The following MAPK9 variants were observed in gnomAD, a reference collection of about 807,000 sequenced individuals.
The protein encoded by MAPK9 is mitogen-activated protein kinase 9.
In MAPK9, 30 loss-of-function variants were observed where a neutral mutation model predicts 57.1. That is an observed-to-expected ratio of 0.53 (90% confidence interval 0.39 to 0.71). The LOEUF is 0.71. Among genes scored for constraint, MAPK9 ranks in the 30% least tolerant of loss-of-function variants. The pLI, the probability that MAPK9 is intolerant of heterozygous loss-of-function variation, is 0.00. For missense variants in MAPK9, 362 were observed against 521.0 expected, an observed-to-expected ratio of 0.69 and a Z score of 2.97; for synonymous variants, 155 against 177.0, an observed-to-expected ratio of 0.88 and a Z score of 0.99.
chr5:180,241,265 G>A, intron 8 of MAPK9, 110 bp from the exon 9 acceptor site: 1 of 1,169,080 alleles, frequency 8.6e-7, no homozygotes, highest in Non-Finnish European at 1.2e-6. Flanking sequence ...TATTAATTTT[G>A]AGAAATGTTT....
rs569157884 is a variant in MAPK9, at chr5:180,234,377, A to G, written c.*2007T>C. On this transcript the variant is annotated 3_prime_UTR_variant, in exon 12 of 12. Coordinates refer to ENST00000452135, the MANE Select transcript of MAPK9 (RefSeq NM_002752.5). ...TGGAGCCCTGTGGCCTGTCCTAGGC[A>G]CGCTCGCCTCTACCTGGTGGAAGAT... 1 of 152,332 alleles carries G rather than the reference A, an allele frequency of 6.6e-6. No individual in the cohort carries two copies. The highest frequency in any genetic ancestry group is 1.9e-4 in the East Asian group (1 of 5,184). 9.4% of individuals were successfully genotyped at this position (152,332 alleles called of 1,614,324 possible). A position where few individuals can be genotyped will look rare whatever the true frequency, so the allele number is the denominator to read the frequency against.
rs1364914690 is a variant in MAPK9 at position 180,249,155 on chromosome 5, T to C, written c.451-17A>G. 6.3e-7 allele frequency: 1 copy of C among 1,598,378 alleles called. No homozygotes were observed. ...CTTCAAATCCTAGGAAAGAAATGGC[T>C]TAAATTAGTAAAATGAATGAAGCAT... is the stretch of plus-strand genomic sequence containing the variant. On this transcript the variant is annotated splice_polypyrimidine_tract_variant and intron_variant, in intron 5 of 11. Coordinates refer to ENST00000452135, the MANE Select transcript of MAPK9 (RefSeq NM_002752.5).
At position 180,233,186 on chromosome 5, in the gene MAPK9, T is replaced by G. The variant is rs948744117; in HGVS notation, c.*3198A>C. On this transcript the variant is annotated 3_prime_UTR_variant, in exon 12 of 12. Transcript: ENST00000452135. ...GTATTAAGTACTAAACAGCCTGAAGTGCTTCAAACACAGACGTCAGATGAA... is the reference window on the plus strand; with the variant it reads ...GTATTAAGTACTAAACAGCCTGAAGGGCTTCAAACACAGACGTCAGATGAA... 8 of 152,218 alleles carry G rather than the reference T, an allele frequency of 5.3e-5. No individual in the cohort carries two copies. Among genetic ancestry groups the G allele is most frequent in the South Asian group, 2.1e-4 (1 of 4,818 alleles). 9.4% of individuals were successfully genotyped at this position (152,218 alleles called of 1,614,324 possible). A position where few individuals can be genotyped will look rare whatever the true frequency, so the allele number is the denominator to read the frequency against.
chr5:180,246,036 G>A (rs1035452874), intron 7 of MAPK9: 2 of 152,058 alleles, frequency 1.3e-5, no homozygotes, highest in Admixed American at 6.6e-5. Flanking sequence ...TGTATAGCAG[G>A]AATTTTAATT....
At chr5:180,241,297 AC>A in intron 8 of MAPK9, 142 bp from the exon 9 acceptor site, 2 of 906,026 alleles carry the variant, frequency 2.2e-6, no homozygotes, top group Non-Finnish European at 3.1e-6. Context: ...GATGAATATA[AC>A]CCAAAATTTT....
Position 180,235,310 on chromosome 5 carries a change from T to A in MAPK9, c.*1074A>T, listed in dbSNP as rs1228208067. 1 of 152,166 alleles carries A rather than the reference T, an allele frequency of 6.6e-6. No homozygotes were observed. The highest frequency in any genetic ancestry group is 1.5e-5 in the Non-Finnish European group (1 of 68,036). The allele number at this position is 152,166 out of a possible 1,614,324, so 9.4% of individuals were successfully genotyped here. A position where few individuals can be genotyped will look rare whatever the true frequency, so the allele number is the denominator to read the frequency against. On this transcript the variant is annotated 3_prime_UTR_variant, in exon 12 of 12. Coordinates refer to ENST00000452135, the MANE Select transcript of MAPK9 (RefSeq NM_002752.5). ...TGAAAACAGACCAAAGAGGAGTTTA[T>A]CTGCTTTCTTCCAGTGAAGAAAGAA...
At chr5:180,270,715 G>A (rs998274550) in intron 2 of MAPK9, among the ~76,000 whole-genome samples, 1 of 152,002 alleles carries the variant, frequency 6.6e-6, no homozygotes, top group Non-Finnish European at 1.5e-5. Flanking sequence ...GCTGAGTGTG[G>A]TGGTGCATGT....
intron 1 of MAPK9, among the ~76,000 whole-genome samples, chr5:180,285,824 A>C (rs965719258): frequency 2.6e-5 from 4 of 152,004 alleles, no homozygotes; most frequent in Non-Finnish European, 5.9e-5. Context: ...CACACCTGTA[A>C]TCCCAGCACT....
At chr5:180,262,184 G>C (rs557597591) in intron 4 of MAPK9, among the ~76,000 whole-genome samples, 3 of 152,210 alleles carry the variant, frequency 2.0e-5, no homozygotes, top group African/African-American at 7.2e-5. Flanking sequence ...TGCTGAGAAC[G>C]GGGGAGGCTC....
Position 180,249,937 on chromosome 5 carries a change from A to G in MAPK9, c.451-799T>C, listed in dbSNP as rs533751809. ...GTGGTTAGTGGCTGCCATACTGGAC[A>G]GCACAGGTCTAGAATCGTCTGATCC... is the stretch of plus-strand genomic sequence containing the variant. On this transcript the variant is annotated intron_variant, in intron 5 of 11. Coordinates refer to ENST00000452135, the MANE Select transcript of MAPK9 (RefSeq NM_002752.5). 2.0e-5 allele frequency among the ~76,000 whole-genome samples: 3 copies of G among 152,316 alleles called. No individual in the cohort carries two copies. The South Asian group carries it at 6.2e-4, about 32-fold the overall frequency.
intron 1 of MAPK9, among the ~76,000 whole-genome samples, chr5:180,283,259 G>A (rs1762469705): frequency 6.6e-6 from 1 of 152,188 alleles, no homozygotes; most frequent in Admixed American, 6.5e-5. Context: ...AATAAGATGT[G>A]GGTAGAAGTG....
intron 1 of MAPK9, among the ~76,000 whole-genome samples, chr5:180,288,308 A>G (rs1051914815): frequency 6.6e-6 from 1 of 152,212 alleles, no homozygotes; most frequent in Non-Finnish European, 1.5e-5. Context: ...AAAACAAAGA[A>G]ATAGGAGGGG....
At chr5:180,290,210 G>A (rs1581343807) in intron 1 of MAPK9, among the ~76,000 whole-genome samples, 1 of 152,136 alleles carries the variant, frequency 6.6e-6, no homozygotes, top group East Asian at 1.9e-4. Flanking sequence ...GTTCTTTAGG[G>A]TCCCCACGAC....
chr5:180,291,527 G>T (rs1205396262), intron 1 of MAPK9, among the ~76,000 whole-genome samples: 1 of 152,134 alleles, frequency 6.6e-6, no homozygotes, highest in African/African-American at 2.4e-5. Context: ...AGGTCGCGGG[G>T]ACGCGACCCC....
At chr5:180,244,324 T>G (rs1395651096) in intron 7 of MAPK9, among the ~76,000 whole-genome samples, 1 of 152,122 alleles carries the variant, frequency 6.6e-6, no homozygotes, top group African/African-American at 2.4e-5. Context: ...CTCCCTCAAC[T>G]CTTCCTTCTC....
chr5:180,259,252 G>A (rs1424411078), intron 5 of MAPK9, among the ~76,000 whole-genome samples: 5 of 151,760 alleles, frequency 3.3e-5, no homozygotes, highest in Non-Finnish European at 7.3e-5. Flanking sequence ...AGTTCTCTAT[G>A]TAAACATGAA....
At chr5:180,260,326 T>C (rs1049805038) in intron 5 of MAPK9, among the ~76,000 whole-genome samples, 1 of 152,232 alleles carries the variant, frequency 6.6e-6, no homozygotes, top group Non-Finnish European at 1.5e-5. Flanking sequence ...TAAACCCTAG[T>C]AGTTTGCAAA....
At chr5:180,260,726 G>A (rs1759856435) in intron 5 of MAPK9, among the ~76,000 whole-genome samples, 1 of 152,170 alleles carries the variant, frequency 6.6e-6, no homozygotes, top group South Asian at 2.1e-4. Context: ...AGGTAACACT[G>A]ATTTTTATGT....
chr5:180,265,740 C>T (rs1760471677), intron 3 of MAPK9, among the ~76,000 whole-genome samples: 1 of 152,182 alleles, frequency 6.6e-6, no homozygotes. Flanking sequence ...GCACCAAACA[C>T]ATAACCTCAG....
Sources: gnomAD v4.1 joint callset for allele counts (sites outside exome capture counted in the v4.1 genomes callset) on GRCh38, gnomAD v4.1.1 for gene constraint, MANE v1.5 for transcripts, NCBI Gene and HGNC (gene_info 2026-07-23, HGNC 2026-07-21) for gene names.